The following STPG2 variants were observed in gnomAD, a reference collection of about 807,000 sequenced individuals.
The protein encoded by STPG2 is sperm tail PG-rich repeat containing 2.
A neutral mutation model predicts 54.2 loss-of-function variants in STPG2; 56 were observed. The ratio of observed to expected loss-of-function variants is 1.03; its 90% CI spans 0.83 to 1.29. The LOEUF is 1.29. Ranked by LOEUF, STPG2 falls within the 50% of genes most tolerant of loss-of-function variation. The probability of loss-of-function intolerance (pLI) is 0.00; values close to 1 mark genes in which losing one functional copy is unlikely to be tolerated. For missense variants in STPG2, 596 were observed against 544.9 expected, an observed-to-expected ratio of 1.09 and a Z score of -0.93; for synonymous variants, 200 against 181.8, an observed-to-expected ratio of 1.10 and a Z score of -0.81.
At chr4:97,805,978 T>G (rs1199182650) in intron 9 of STPG2, among the ~76,000 whole-genome samples, 1 of 152,200 alleles carries the variant, frequency 6.6e-6, no homozygotes. Flanking sequence ...GCACTACCGT[T>G]TGACACAGGA....
At chr4:98,031,702 A>T (rs1370995247) in intron 5 of STPG2, among the ~76,000 whole-genome samples, 2 of 151,962 alleles carry the variant, frequency 1.3e-5, no homozygotes, top group Non-Finnish European at 2.9e-5. Context: ...AATAAAAAAT[A>T]AAAAAAAGTA....
intron 8 of STPG2, among the ~76,000 whole-genome samples, chr4:97,900,698 C>T (rs1425479303): frequency 6.6e-6 from 1 of 152,058 alleles, no homozygotes; most frequent in Non-Finnish European, 1.5e-5. Context: ...CACATGTTCT[C>T]ACTTTTAAGT....
chr4:97,842,853 C>T (rs1007079537), intron 8 of STPG2, among the ~76,000 whole-genome samples: 2 of 151,806 alleles, frequency 1.3e-5, no homozygotes, highest in South Asian at 4.1e-4. Flanking sequence ...AACTTATTCC[C>T]TTCTTGTCTA....
chr4:98,049,914 A>G (rs1737261590), intron 5 of STPG2, among the ~76,000 whole-genome samples: 1 of 152,218 alleles, frequency 6.6e-6, no homozygotes, highest in Non-Finnish European at 1.5e-5. Flanking sequence ...TAGTCTACAA[A>G]TTTATAGAAA....
intron 5 of STPG2, among the ~76,000 whole-genome samples, chr4:98,054,208 G>C (rs1737414182): frequency 6.6e-6 from 1 of 152,000 alleles, no homozygotes; most frequent in African/African-American, 2.4e-5. Context: ...TAACTTTCAT[G>C]CAAAACAGCT....
intron 9 of STPG2, among the ~76,000 whole-genome samples, chr4:97,738,528 A>C (rs543296574): frequency 6.6e-6 from 1 of 152,326 alleles, no homozygotes; most frequent in African/African-American, 2.4e-5. Context: ...TCTACCAAGC[A>C]AATGGAAAAC....
chr4:98,111,283 T>C (rs1289518139), intron 3 of STPG2, among the ~76,000 whole-genome samples: 1 of 152,070 alleles, frequency 6.6e-6, no homozygotes, highest in Non-Finnish European at 1.5e-5. Context: ...GGAGATAAAC[T>C]CTTAGGTAGC....
intron 8 of STPG2, 50 bp downstream of exon 8, chr4:97,943,847 C>T (rs763904806): frequency 1.5e-6 from 2 of 1,379,076 alleles, no homozygotes; most frequent in Non-Finnish European, 2.0e-6. Context: ...ATGCAGCCTC[C>T]TCCATGATTT....
At chr4:97,487,798 C>A (rs781195502) in intron 4 of STPG2, among the ~76,000 whole-genome samples, 1 of 151,160 alleles carries the variant, frequency 6.6e-6, no homozygotes, top group Non-Finnish European at 1.5e-5. Context: ...CATAAAAACA[C>A]AAATCTTATA....
intron 10 of STPG2, among the ~76,000 whole-genome samples, chr4:97,627,689 C>A (rs1324042747): frequency 2.0e-5 from 3 of 152,044 alleles, no homozygotes; most frequent in Non-Finnish European, 4.4e-5. Context: ...TAATTATCTA[C>A]AGATACATAG....
intron 10 of STPG2, among the ~76,000 whole-genome samples, chr4:97,621,222 A>G (rs1734001801): frequency 6.6e-6 from 1 of 152,158 alleles, no homozygotes; most frequent in African/African-American, 2.4e-5. Flanking sequence ...TAACATCACA[A>G]CTAGAGGAAC....
intron 8 of STPG2, among the ~76,000 whole-genome samples, chr4:97,887,140 A>T (rs1275277185): frequency 6.6e-6 from 1 of 152,208 alleles, no homozygotes; most frequent in Non-Finnish European, 1.5e-5. Flanking sequence ...AGAACAGACC[A>T]ATACAGAAAA....
At chr4:97,512,363 G>C (rs928364885) in intron 4 of STPG2, among the ~76,000 whole-genome samples, 2 of 152,066 alleles carry the variant, frequency 1.3e-5, no homozygotes, top group African/African-American at 4.8e-5. Flanking sequence ...TGTGAGAAGC[G>C]TTCACTTCAG....
At chr4:97,798,754 C>T (rs374325563) in intron 9 of STPG2, among the ~76,000 whole-genome samples, 11 of 88,800 alleles carry the variant, frequency 1.2e-4, no homozygotes, top group Middle Eastern at 4.1e-3. Context: ...CTTTCTGTCT[C>T]GTTGATCTGT....
chr4:97,740,437 T>C (rs868731935), intron 9 of STPG2, among the ~76,000 whole-genome samples: 11 of 152,134 alleles, frequency 7.2e-5, no homozygotes, highest in African/African-American at 2.2e-4. Flanking sequence ...TGTTTGCAGA[T>C]GACATGATTG....
chr4:97,642,045 C>A (rs1047861183), intron 10 of STPG2, among the ~76,000 whole-genome samples: 1 of 151,422 alleles, frequency 6.6e-6, no homozygotes, highest in Admixed American at 6.6e-5. Context: ...AAGTTGTTTT[C>A]TCTCCAAATT....
intron 8 of STPG2, among the ~76,000 whole-genome samples, chr4:97,862,848 C>T (rs1339349483): frequency 3.9e-5 from 6 of 151,968 alleles, no homozygotes; most frequent in East Asian, 1.9e-4. Context: ...GAATGACTAC[C>T]GCATACGTAA....
chr4:97,916,813 C>T lies in STPG2; in HGVS notation c.1044+27084G>A, dbSNP rs373815852. On this transcript the variant is annotated intron_variant, in intron 8 of 10. Coordinates refer to ENST00000295268, the MANE Select transcript of STPG2 (RefSeq NM_174952.3). Reference sequence around the variant, plus strand: ...CACCAGGTTGCACTTCTCGCCACTTCCAGCAGCAGCTATTACCTTGGCCTG... The same window carrying T: ...CACCAGGTTGCACTTCTCGCCACTTTCAGCAGCAGCTATTACCTTGGCCTG... 2.6e-5 allele frequency: 4 copies of T among 153,182 alleles called. No individual in the cohort carries two copies. In the South Asian group the frequency reaches 6.2e-4, roughly 24 times the overall value. 9.5% of individuals were successfully genotyped at this position (153,182 alleles called of 1,614,324 possible).
chr4:97,882,647 G>A (rs1415259061), intron 8 of STPG2, among the ~76,000 whole-genome samples: 3 of 152,018 alleles, frequency 2.0e-5, no homozygotes, highest in Non-Finnish European at 2.9e-5. Context: ...AACTGAGGGT[G>A]GAAAAGAAAT....
Sources: gnomAD v4.1 joint callset for allele counts (sites outside exome capture counted in the v4.1 genomes callset) on GRCh38, gnomAD v4.1.1 for gene constraint, MANE v1.5 for transcripts, NCBI Gene and HGNC (gene_info 2026-07-23, HGNC 2026-07-21) for gene names.